Variants in SDCCAG8 observed in about 807,000 individuals in gnomAD.
SDCCAG8 encodes serologically defined colon cancer antigen 8.
Under a neutral mutation model 101.8 loss-of-function variants are expected in SDCCAG8, and 74 were observed. The observed-to-expected ratio is 0.73, with a 90% CI of 0.60 to 0.88. The LOEUF is 0.88. Among genes scored for constraint, SDCCAG8 ranks in the 40% least tolerant of loss-of-function variants. The pLI is 0.00. For synonymous variants in SDCCAG8, 281 were observed against 292.9 expected (o/e 0.96, Z 0.41); for missense variants, 787 against 822.6 (o/e 0.96, Z 0.53).
At chr1:243,305,425 GTAGA>G (rs1257225670) in intron 7 of SDCCAG8, 11 of 151,706 alleles carry the variant, frequency 7.3e-5, no homozygotes, top group African/African-American at 1.7e-4. Flanking sequence ...TTTTTTCTCT[GTAGA>G]TAGTCTTCAT....
intron 5 of SDCCAG8, among the ~76,000 whole-genome samples, chr1:243,290,562 A>C (rs1189004317): frequency 1.3e-5 from 2 of 151,994 alleles, no homozygotes; most frequent in African/African-American, 4.8e-5. Flanking sequence ...GTATACTCTC[A>C]AGTCCCTTAC....
intron 8 of SDCCAG8, among the ~76,000 whole-genome samples, chr1:243,309,925 G>A (rs926982317): frequency 3.9e-5 from 6 of 152,038 alleles, no homozygotes; most frequent in East Asian, 3.9e-4. Context: ...GTGCAGTGGC[G>A]CAATCTTGGC....
intron 12 of SDCCAG8, among the ~76,000 whole-genome samples, chr1:243,373,610 C>T (rs985364481): frequency 6.6e-6 from 1 of 152,084 alleles, no homozygotes; most frequent in African/African-American, 2.4e-5. Context: ...AGCGGCTACC[C>T]AGTGCATACA....
intron 17 of SDCCAG8, among the ~76,000 whole-genome samples, chr1:243,495,456 G>GT (rs1259173753): frequency 6.6e-6 from 1 of 152,208 alleles, no homozygotes; most frequent in Non-Finnish European, 1.5e-5. Flanking sequence ...TGTGGAGGCT[G>GT]TTATCAGGGG....
chr1:243,368,436 C>T (rs1268137778), intron 12 of SDCCAG8, among the ~76,000 whole-genome samples: 1 of 152,124 alleles, frequency 6.6e-6, no homozygotes, highest in East Asian at 1.9e-4. Context: ...CCCAATATAG[C>T]ATTTTATAGT....
At chr1:243,348,149 C>G (rs1317667630) in intron 12 of SDCCAG8, among the ~76,000 whole-genome samples, 1 of 150,884 alleles carries the variant, frequency 6.6e-6, no homozygotes, top group East Asian at 1.9e-4. Context: ...CATTCTCCCG[C>G]CTCAGCCTCC....
chr1:243,401,270 G>A (rs1429041174), intron 13 of SDCCAG8, among the ~76,000 whole-genome samples: 1 of 152,134 alleles, frequency 6.6e-6, no homozygotes, highest in Non-Finnish European at 1.5e-5. Flanking sequence ...CCATTCACTG[G>A]CTTATTTGTA....
chr1:243,460,402 G>A (rs1182601978), intron 16 of SDCCAG8, among the ~76,000 whole-genome samples: 2 of 152,134 alleles, frequency 1.3e-5, no homozygotes, highest in Admixed American at 6.5e-5. Context: ...CCGCAGGAAT[G>A]GAATTGGCGC....
At chr1:243,330,519 C>G in intron 9 of SDCCAG8, 21 bp from the exon 10 acceptor site, 1 of 1,613,902 alleles carries the variant, frequency 6.2e-7, no homozygotes, top group Non-Finnish European at 8.5e-7. Flanking sequence ...CCTCCTCTTT[C>G]AATCTGTTCT....
intron 16 of SDCCAG8, among the ~76,000 whole-genome samples, chr1:243,488,783 T>C (rs556346516): frequency 6.6e-6 from 1 of 152,282 alleles, no homozygotes; most frequent in South Asian, 2.1e-4. Context: ...TGTTTTCTAA[T>C]TGATAGTGTA....
chr1:243,392,240 G>A lies in SDCCAG8; in HGVS notation c.1616+13377G>A, dbSNP rs142549957. On this transcript the variant is annotated intron_variant, in intron 13 of 17. Coordinates refer to ENST00000366541, the MANE Select transcript of SDCCAG8 (RefSeq NM_006642.5). ...TAATGAGTAGTCAGTGTATTGATCCGTCTAGAAAACTTTAGAGCAATTAAG... is the reference window on the plus strand; with the variant it reads ...TAATGAGTAGTCAGTGTATTGATCCATCTAGAAAACTTTAGAGCAATTAAG... 2.8e-3 allele frequency among the ~76,000 whole-genome samples: 420 copies of A among 152,234 alleles called. 2 individuals are homozygous for A. The highest frequency in any genetic ancestry group is 9.8e-3 in the African/African-American group (406 of 41,544).
chr1:243,345,618 A>G (rs916473859), intron 12 of SDCCAG8, among the ~76,000 whole-genome samples: 12 of 152,174 alleles, frequency 7.9e-5, no homozygotes, highest in African/African-American at 2.9e-4. Context: ...GGCCTTTCGT[A>G]TTATTCTACA....
chr1:243,489,989 C>G (rs997961107), intron 17 of SDCCAG8, among the ~76,000 whole-genome samples: 2 of 152,202 alleles, frequency 1.3e-5, no homozygotes, highest in African/African-American at 2.4e-5. Context: ...ATGAGGTGGT[C>G]CGTGGGCTGA....
chr1:243,483,011 C>A (rs1469313275), intron 16 of SDCCAG8, among the ~76,000 whole-genome samples: 1 of 152,140 alleles, frequency 6.6e-6, no homozygotes, highest in Non-Finnish European at 1.5e-5. Flanking sequence ...CAAACCCCCT[C>A]GCCCCGTTCA....
chr1:243,324,252 C>G (rs1300714473), intron 9 of SDCCAG8, among the ~76,000 whole-genome samples: 2 of 152,094 alleles, frequency 1.3e-5, no homozygotes, highest in Non-Finnish European at 2.9e-5. Flanking sequence ...TCTCTATGAT[C>G]GTCTTCAAAC....
chr1:243,445,978 A>G (rs2082872880), intron 16 of SDCCAG8, among the ~76,000 whole-genome samples: 1 of 152,216 alleles, frequency 6.6e-6, no homozygotes, highest in African/African-American at 2.4e-5. Context: ...GGGAAGAAAC[A>G]TGGCTGACTT....
intron 16 of SDCCAG8, among the ~76,000 whole-genome samples, chr1:243,470,095 A>G (rs1402493685): frequency 6.6e-6 from 1 of 152,148 alleles, no homozygotes; most frequent in Non-Finnish European, 1.5e-5. Flanking sequence ...TTAACAACAC[A>G]AGGTCTAAAC....
intron 5 of SDCCAG8, 46 bp downstream of exon 5, chr1:243,286,443 C>T (rs1215537248): frequency 6.3e-7 from 1 of 1,597,950 alleles, no homozygotes; most frequent in African/African-American, 1.3e-5. Flanking sequence ...TGTGAATATT[C>T]CCTTCTGCCC....
chr1:243,293,681 C>A (rs2070498001), intron 6 of SDCCAG8, among the ~76,000 whole-genome samples: 1 of 152,162 alleles, frequency 6.6e-6, no homozygotes, highest in South Asian at 2.1e-4. Flanking sequence ...ATCCATTCAT[C>A]TATTGACTGA....
Sources: allele counts gnomAD v4.1 joint callset (sites outside exome capture counted in the v4.1 genomes callset), GRCh38; gene constraint gnomAD v4.1.1; transcripts MANE v1.5; gene names NCBI Gene and HGNC (gene_info 2026-07-23, HGNC 2026-07-21).